Variants in PRICKLE2 observed in about 807,000 individuals in gnomAD.
PRICKLE2 encodes the protein prickle-like protein 2.
PRICKLE2 carries 21 observed loss-of-function variants against 81.4 expected under a neutral mutation model. The observed-to-expected ratio is 0.26, with a 90% CI of 0.18 to 0.37. The LOEUF (loss-of-function observed/expected upper bound fraction) is 0.37. Ranked by LOEUF, PRICKLE2 falls within the 10% of genes least tolerant of loss-of-function variation. The probability of loss-of-function intolerance (pLI) is 1.00; values close to 1 mark genes in which losing one functional copy is unlikely to be tolerated. For synonymous variants in PRICKLE2, 456 were observed against 421.5 expected (o/e 1.08, Z -1.00); for missense variants, 940 against 1,109.0 (o/e 0.85, Z 2.16).
At chr3:64,260,815 C>G (rs1312820436) in intron 2 of PRICKLE2, among the ~76,000 whole-genome samples, 1 of 152,198 alleles carries the variant, frequency 6.6e-6, no homozygotes, top group Non-Finnish European at 1.5e-5. Flanking sequence ...ACAGTTCAAC[C>G]TTTGTTCCCT....
chr3:64,141,784 A>G, intron 7 of PRICKLE2: 3 of 985,062 alleles, frequency 3.0e-6, no homozygotes, highest in Non-Finnish European at 3.6e-6. Flanking sequence ...CTGCCCACAG[A>G]AAGATCACAC....
intron 2 of PRICKLE2, among the ~76,000 whole-genome samples, chr3:64,172,552 A>C (rs1164165723): frequency 6.6e-6 from 1 of 152,238 alleles, no homozygotes; most frequent in East Asian, 1.9e-4. Context: ...GGGGACAATA[A>C]TATCTACCTT....
intron 7 of PRICKLE2, among the ~76,000 whole-genome samples, chr3:64,139,862 A>G (rs1333226215): frequency 2.0e-5 from 3 of 152,152 alleles, no homozygotes; most frequent in Non-Finnish European, 4.4e-5. Context: ...CTATCCCTGA[A>G]GCATCACTTT....
chr3:64,205,043 CT>C (rs202147810), intron 1 of PRICKLE2, among the ~76,000 whole-genome samples: 7 of 147,352 alleles, frequency 4.8e-5, no homozygotes, highest in East Asian at 2.0e-4. Context: ...TATGATTTGG[CT>C]TTTTTTTTAA....
At position 64,147,634 on chromosome 3, in the gene PRICKLE2, C is replaced by A. The variant is rs764841427; in HGVS notation, c.856G>T (p.Ala286Ser). 9 of 1,614,078 alleles carry A rather than the reference C, an allele frequency of 5.6e-6. No homozygotes were observed. Among genetic ancestry groups the A allele is most frequent in the Non-Finnish European group, 7.6e-6 (9 of 1,180,030 alleles). Residue 286 changes from alanine (A) to serine (S), a missense_variant, in exon 7 of 8, where the codon GCT (alanine) becomes TCT (serine). By Grantham distance (99) the Ala-to-Ser change is moderately conservative. Transcript: ENST00000638394. This position sits in a 1 kb window ranked among gnomAD's most constrained non-coding sequence, Gnocchi z 5.0. Reference protein sequence around the residue: ...WHATETCFCCAHCKKSLLGRP... With the variant: ...WHATETCFCCSHCKKSLLGRP... ...CCCAGGAGGGATTTCTTGCAGTGAG[C>A]ACAGCAGAAACAGGTCTCAGTGGCA...
intron 2 of PRICKLE2, among the ~76,000 whole-genome samples, chr3:64,188,609 G>A (rs547930147): frequency 1.3e-5 from 2 of 152,326 alleles, no homozygotes; most frequent in African/African-American, 2.4e-5. Flanking sequence ...ATCATTCCAT[G>A]TAAAGTCCCA....
chr3:64,108,872 G>A (rs2076798826), intron 7 of PRICKLE2, among the ~76,000 whole-genome samples: 1 of 152,128 alleles, frequency 6.6e-6, no homozygotes, highest in Non-Finnish European at 1.5e-5. Context: ...TGTTTGGTGG[G>A]CTGTCCTGTG....
intron 2 of PRICKLE2, among the ~76,000 whole-genome samples, chr3:64,166,622 T>C (rs180932378): frequency 6.6e-6 from 1 of 152,288 alleles, no homozygotes; most frequent in African/African-American, 2.4e-5. Flanking sequence ...AAATATACAA[T>C]ATGCTAGAAT....
chr3:64,145,841 G>C (rs1262629667), intron 7 of PRICKLE2: 1 of 151,776 alleles, frequency 6.6e-6, no homozygotes, highest in African/African-American at 2.4e-5. Context: ...TATGGTACAA[G>C]GGGCAAACAA....
At chr3:64,240,220 G>C (rs1039885916) in intron 2 of PRICKLE2, among the ~76,000 whole-genome samples, 1 of 152,124 alleles carries the variant, frequency 6.6e-6, no homozygotes. Context: ...GGTTTGGCCA[G>C]TTACATGGGG....
Position 64,163,032 on chromosome 3 carries a change from G to A in PRICKLE2, c.242C>T (p.Pro81Leu). Residue 81 changes from proline (P) to leucine (L), a missense_variant, in exon 3 of 8, where the codon CCG becomes CTG. Around this residue, in one of 2 missense-constraint regions of PRICKLE2, gnomAD observed 270 missense variants for 391.8 expected, o/e 0.69. Coordinates refer to ENST00000638394, the MANE Select transcript of PRICKLE2 (RefSeq NM_198859.4). ...LRIKQLLHQL[P>L]PHDNEVRYCN... ...GCCCCTTACCTCATTGTCATGTGGC[G>A]GCAGCTGGTGTAGTAGCTGCTTGAT... is the stretch of plus-strand genomic sequence containing the variant. The A allele has an allele frequency of 5.0e-6, 8 of 1,611,826 alleles. No homozygotes were observed. Among genetic ancestry groups the A allele is most frequent in the South Asian group, 2.2e-5 (2 of 91,026 alleles).
intron 1 of PRICKLE2, among the ~76,000 whole-genome samples, chr3:64,203,759 A>G (rs1212844440): frequency 6.6e-6 from 1 of 151,762 alleles, no homozygotes; most frequent in East Asian, 2.0e-4. Context: ...ACTTGAGGCC[A>G]GGAGTTCGAG....
At chr3:64,164,533 A>C (rs1156811103) in intron 2 of PRICKLE2, among the ~76,000 whole-genome samples, 1 of 152,202 alleles carries the variant, frequency 6.6e-6, no homozygotes, top group Admixed American at 6.5e-5. Flanking sequence ...AGAGGGGGTG[A>C]AAAGGCTTTG....
chr3:64,232,987 C>G (rs1443351097), intron 2 of PRICKLE2, among the ~76,000 whole-genome samples: 1 of 152,200 alleles, frequency 6.6e-6, no homozygotes, highest in African/African-American at 2.4e-5. Flanking sequence ...CATGACCATT[C>G]ATTATGTGCT....
At chr3:64,187,767 T>C (rs1431609819) in intron 2 of PRICKLE2, among the ~76,000 whole-genome samples, 11 of 152,200 alleles carry the variant, frequency 7.2e-5, no homozygotes, top group Admixed American at 6.5e-4. Flanking sequence ...CCTCCTGGTA[T>C]AAATAGCTTC....
chr3:64,100,135 A>C (rs943222978), intron 7 of PRICKLE2: 6 of 584,044 alleles, frequency 1.0e-5, no homozygotes, highest in African/African-American at 3.7e-5. Flanking sequence ...CACTTACTTA[A>C]AATGCTTCCA....
At chr3:64,204,775 T>C (rs188640405) in intron 1 of PRICKLE2, among the ~76,000 whole-genome samples, 54 of 152,304 alleles carry the variant, frequency 3.5e-4, no homozygotes, top group Middle Eastern at 6.8e-3. Flanking sequence ...TGTAAAGAAT[T>C]TTCAACCTTT....
Position 64,165,963 on chromosome 3 carries a change from G to GGTGTGTGTGTGT in PRICKLE2, c.145-2846_145-2835dup, listed in dbSNP as rs67554015. Among the ~76,000 whole-genome samples, 139 of 61,856 alleles carry GGTGTGTGTGTGT rather than the reference G, an allele frequency of 2.2e-3. 1 individual carries two copies. The highest frequency in any genetic ancestry group is 3.7e-3 in the African/African-American group (85 of 22,930). 40.6% of individuals were successfully genotyped at this position (61,856 alleles called of 152,430 possible). On this transcript the variant is annotated intron_variant, in intron 2 of 7. Transcript: ENST00000638394. ...GGGAAAAATGGCAAACTGTTATAAAGGTGTGTGTGTGTGTGTGTGTGTGTG... is the reference window on the plus strand; with the variant it reads ...GGGAAAAATGGCAAACTGTTATAAAGGTGTGTGTGTGTGTGTGTGTGTGTGTGTGTGTGTGTG...
chr3:64,266,266 C>A (rs138360004), intron 2 of PRICKLE2, among the ~76,000 whole-genome samples: 1 of 151,868 alleles, frequency 6.6e-6, no homozygotes, highest in African/African-American at 2.4e-5. Flanking sequence ...AGAAGAAGAA[C>A]GGTTTTCTGG....
Sources: allele counts gnomAD v4.1 joint callset (sites outside exome capture counted in the v4.1 genomes callset), GRCh38; gene constraint gnomAD v4.1.1; regional missense constraint gnomAD v4.1.1; non-coding constraint Gnocchi (gnomAD v3.1); transcripts MANE v1.5; gene names NCBI Gene and HGNC (gene_info 2026-07-23, HGNC 2026-07-21).